The following ZNF782 variants were observed in gnomAD, a reference collection of about 807,000 sequenced individuals.
The protein encoded by ZNF782 is zinc finger protein 782.
In ZNF782, 12 loss-of-function variants were observed where a neutral mutation model predicts 13.0. That is an observed-to-expected ratio of 0.92 (90% CI 0.59 to 1.50). The LOEUF is 1.50. Among genes scored for constraint, ZNF782 ranks in the 40% most tolerant of loss-of-function variants. ZNF782 has a pLI of 0.00. For synonymous variants in ZNF782, 284 were observed against 283.0 expected (o/e 1.00, Z -0.04); for missense variants, 770 against 822.9 (o/e 0.94, Z 0.79).
the ZNF782 span, among the ~76,000 whole-genome samples, chr9:96,911,225 G>T: frequency 7.0e-6 from 1 of 143,566 alleles, no homozygotes; most frequent in Non-Finnish European, 1.5e-5. Flanking sequence ...GGATCACGAG[G>T]TCAGGAGATG....
At chr9:96,884,883 T>C in the ZNF782 span, among the ~76,000 whole-genome samples, 1 of 151,982 alleles carries the variant, frequency 6.6e-6, no homozygotes, top group Non-Finnish European at 1.5e-5. Flanking sequence ...ATTTAAAAAA[T>C]GCTTGACATG....
In ZNF782 at chr9:96,818,626, A is replaced by G. The variant is rs1288064711; in HGVS notation, c.1397T>C (p.Ile466Thr). 6.2e-7 allele frequency: 1 copy of G among 1,613,600 alleles called. No individual in the cohort carries two copies. The highest frequency in any genetic ancestry group is 1.1e-5 in the South Asian group (1 of 91,058). The change falls in exon 6 of 6, where the codon ATA becomes ACA. Residue 466 changes from isoleucine to threonine, a missense_variant. Transcript: ENST00000481138. ...CCCTGTGTGAGTTCTCTGATGCACT[A>G]TGAGGATTGACTTATAGTTAAAAGA... is the stretch of plus-strand genomic sequence containing the variant. ...GKSFNYKSIL[I>T]VHQRTHTGEK... is the part of the protein sequence containing the mutation.
chr9:96,858,646 T>C (rs865950750), upstream of ZNF782, among the ~76,000 whole-genome samples: 6 of 152,212 alleles, frequency 3.9e-5, no homozygotes, highest in African/African-American at 1.4e-4. The surrounding 1 kb of genome is among the most constrained non-coding windows in gnomAD (Gnocchi z 4.4). Context: ...TAGGAAAATA[T>C]GAAGGAACAC....
chr9:96,910,054 C>G, the ZNF782 span: 2 of 581,324 alleles, frequency 3.4e-6, no homozygotes, highest in South Asian at 1.4e-5. Flanking sequence ...TCCCCTGCAT[C>G]AGATCACCGG....
intron 4 of ZNF782, among the ~76,000 whole-genome samples, chr9:96,835,660 A>G (rs1424167242): frequency 6.6e-6 from 1 of 152,200 alleles, no homozygotes; most frequent in East Asian, 1.9e-4. Context: ...GCTTATGTCT[A>G]GAGGGCATGA....
chr9:96,868,915 C>A (rs767159077), intron 1 of ZNF782, among the ~76,000 whole-genome samples: 2 of 152,080 alleles, frequency 1.3e-5, no homozygotes, highest in Non-Finnish European at 2.9e-5. Context: ...AGTTGGGAAA[C>A]CAGTTCTCCC....
the ZNF782 span, chr9:96,890,502 GGATTTGTGT>G: frequency 6.6e-6 from 1 of 152,480 alleles, no homozygotes; most frequent in East Asian, 1.9e-4. Flanking sequence ...GGGGTGCAAT[GGATTTGTGT>G]GTGTTCGCGT....
At chr9:96,846,562 C>T (rs574414637) in intron 3 of ZNF782, among the ~76,000 whole-genome samples, 4 of 152,024 alleles carry the variant, frequency 2.6e-5, no homozygotes, top group Admixed American at 6.6e-5. Context: ...TCAGACAAAA[C>T]GGACTTCAAA....
the ZNF782 span, among the ~76,000 whole-genome samples, chr9:96,920,313 C>A: frequency 6.8e-6 from 1 of 147,206 alleles, no homozygotes; most frequent in Non-Finnish European, 1.5e-5. Context: ...GTTGCCCAGG[C>A]TGGAGTGCAG....
chr9:96,927,004 G>A, the ZNF782 span, among the ~76,000 whole-genome samples: 7 of 152,192 alleles, frequency 4.6e-5, no homozygotes, highest in East Asian at 1.2e-3. Flanking sequence ...ATCTCCTTTG[G>A]CCAGTTTCCT....
upstream of ZNF782, among the ~76,000 whole-genome samples, chr9:96,876,615 A>G (rs564946552): frequency 6.6e-6 from 1 of 152,368 alleles, no homozygotes; most frequent in Admixed American, 6.5e-5. Flanking sequence ...CAGCATTACT[A>G]TAAAAGAATA....
the ZNF782 span, chr9:96,932,232 G>C: frequency 6.2e-7 from 1 of 1,614,020 alleles, no homozygotes; most frequent in Admixed American, 1.7e-5. Context: ...GGGAACGCTG[G>C]GCCATGGCCA....
the ZNF782 span, among the ~76,000 whole-genome samples, chr9:96,911,498 A>AGTTTTTTT: frequency 1.4e-5 from 2 of 143,994 alleles, no homozygotes; most frequent in Non-Finnish European, 1.5e-5. Context: ...TTTTCTTACA[A>AGTTTTTTT]GTTTTTTTTT....
intron 1 of ZNF782, among the ~76,000 whole-genome samples, chr9:96,865,882 C>T (rs1054876528): frequency 2.2e-4 from 33 of 152,098 alleles, no homozygotes; most frequent in Middle Eastern, 3.2e-3. Context: ...GCAGTATTTT[C>T]GCCCCACCCT....
At chr9:96,910,847 A>G in the ZNF782 span, among the ~76,000 whole-genome samples, 2 of 149,990 alleles carry the variant, frequency 1.3e-5, no homozygotes, top group East Asian at 2.0e-4. Flanking sequence ...AGTGTTAGCC[A>G]GTATGGTCTC....
chr9:96,823,973 A>G (rs900412366), intron 5 of ZNF782, among the ~76,000 whole-genome samples: 6 of 152,302 alleles, frequency 3.9e-5, no homozygotes, highest in African/African-American at 9.6e-5. Flanking sequence ...TCTACCAGAG[A>G]TACAAGGAGG....
chr9:96,897,244 G>A, the ZNF782 span, among the ~76,000 whole-genome samples: 4 of 152,142 alleles, frequency 2.6e-5, no homozygotes, highest in African/African-American at 7.2e-5. Flanking sequence ...CCTCCAATGG[G>A]CACAAATGTC....
At chr9:96,858,373 C>T (rs534241968), upstream of ZNF782, among the ~76,000 whole-genome samples, 82 of 152,286 alleles carry the variant, frequency 5.4e-4, no homozygotes, top group African/African-American at 1.9e-3. This position sits in a 1 kb window ranked among gnomAD's most constrained non-coding sequence, Gnocchi z 4.4. Flanking sequence ...CTAGGGCACT[C>T]ATACAACCAC....
At chr9:96,902,891 C>T in the ZNF782 span, 3 of 151,148 alleles carry the variant, frequency 2.0e-5, no homozygotes, top group South Asian at 4.2e-4. Flanking sequence ...CAGCCTCCCC[C>T]TCCTGGGTTC....
Sources: allele counts gnomAD v4.1 joint callset (sites outside exome capture counted in the v4.1 genomes callset), GRCh38; gene constraint gnomAD v4.1.1; non-coding constraint Gnocchi (gnomAD v3.1); transcripts MANE v1.5; gene names NCBI Gene and HGNC (gene_info 2026-07-23, HGNC 2026-07-21).